CERS4: variants seen among roughly 807,000 people sequenced by gnomAD.
The protein encoded by CERS4 is ceramide synthase 4.
Under a neutral mutation model 51.8 loss-of-function variants are expected in CERS4, and 65 were observed. The ratio of observed to expected loss-of-function variants is 1.26; its 90% confidence interval spans 1.03 to 1.54. CERS4 has a LOEUF of 1.54. Among genes scored for constraint, CERS4 ranks in the 40% most tolerant of loss-of-function variants. The pLI, the probability that CERS4 is intolerant of heterozygous loss-of-function variation, is 0.00. For missense variants in CERS4, 563 were observed against 500.4 expected (o/e 1.13, Z -1.19); for synonymous variants, 228 against 208.4 (o/e 1.09, Z -0.81).
At chr19:8,209,756 G>A (rs1967010677) in intron 1 of CERS4, 1 of 152,326 alleles carries the variant, frequency 6.6e-6, no homozygotes, top group Non-Finnish European at 1.5e-5. Flanking sequence ...GCGAGTAGGG[G>A]CGATCCTGGC....
intron 2 of CERS4, among the ~76,000 whole-genome samples, chr19:8,230,240 T>G (rs923024673): frequency 6.6e-6 from 1 of 151,840 alleles, no homozygotes; most frequent in Non-Finnish European, 1.5e-5. Flanking sequence ...TGGAGCACAG[T>G]GGTGCGATCT....
At chr19:8,252,878 A>G (rs1338704685) in intron 3 of CERS4, among the ~76,000 whole-genome samples, 4 of 152,124 alleles carry the variant, frequency 2.6e-5, no homozygotes, top group Admixed American at 2.6e-4. Context: ...AAAAACCAGA[A>G]TCCTGAGTTC....
In CERS4 at chr19:8,210,150, G is replaced by T. The variant is rs761469829; in HGVS notation, c.-158-556G>T. On this transcript the variant is annotated intron_variant, in intron 1 of 11. Coordinates refer to ENST00000251363, the MANE Select transcript of CERS4 (RefSeq NM_024552.3). The surrounding 1 kb of genome is among the most constrained non-coding windows in gnomAD (Gnocchi z 4.2). ...AAGCGGCGAGGAGAGTGTGGAACCC[G>T]TTCTCGGGGCGGTGGGGACCAGGGA... Among the ~76,000 whole-genome samples the T allele has an allele frequency of 1.3e-5, 2 of 152,156 alleles. No homozygotes were observed. The highest frequency in any genetic ancestry group is 2.4e-5 in the African/African-American group (1 of 41,430).
intron 4 of CERS4, 108 bp downstream of exon 4, chr19:8,254,724 C>A: frequency 1.1e-6 from 1 of 923,106 alleles, no homozygotes; most frequent in Non-Finnish European, 1.7e-6. Context: ...TGGCTGCAGG[C>A]ACCCCTGCAA....
chr19:8,246,220 A>G (rs1182674176), intron 2 of CERS4, among the ~76,000 whole-genome samples: 1 of 152,164 alleles, frequency 6.6e-6, no homozygotes, highest in African/African-American at 2.4e-5. Flanking sequence ...AGACTGGATT[A>G]GTCAGGTACA....
chr19:8,249,120 GA>G (rs983689536), intron 2 of CERS4, among the ~76,000 whole-genome samples: 5 of 151,310 alleles, frequency 3.3e-5, no homozygotes, highest in Non-Finnish European at 7.4e-5. Context: ...ATGATGGGTA[GA>G]TGGATGATGA....
intron 2 of CERS4, among the ~76,000 whole-genome samples, chr19:8,231,754 G>T (rs562916650): frequency 2.0e-5 from 3 of 151,206 alleles, no homozygotes; most frequent in African/African-American, 7.3e-5. Context: ...GGGTTTCATC[G>T]TGTTAGCCAG....
intron 2 of CERS4, among the ~76,000 whole-genome samples, chr19:8,218,017 T>C (rs1421751048): frequency 6.6e-6 from 1 of 151,986 alleles, no homozygotes; most frequent in Non-Finnish European, 1.5e-5. Context: ...CAGGTTGGAG[T>C]GCAGTGGTGC....
chr19:8,219,832 T>A (rs1051990869), intron 2 of CERS4, among the ~76,000 whole-genome samples: 9 of 147,202 alleles, frequency 6.1e-5, no homozygotes, highest in African/African-American at 2.2e-4. Flanking sequence ...AAAAAAAAAA[T>A]TAGCTGGGTA....
At chr19:8,223,626 C>T (rs907455486) in intron 2 of CERS4, among the ~76,000 whole-genome samples, 3 of 151,566 alleles carry the variant, frequency 2.0e-5, no homozygotes, top group Non-Finnish European at 4.4e-5. Context: ...TCTAAAAAAA[C>T]AAAGACAAAA....
At chr19:8,232,679 A>C (rs1319775361) in intron 2 of CERS4, among the ~76,000 whole-genome samples, 1 of 151,792 alleles carries the variant, frequency 6.6e-6, no homozygotes, top group Non-Finnish European at 1.5e-5. Context: ...GAGTATACAA[A>C]TGTTGTTAGT....
At chr19:8,238,644 T>A in intron 2 of CERS4, 1 of 942,990 alleles carries the variant, frequency 1.1e-6, no homozygotes, top group South Asian at 4.9e-5. Context: ...GGGATCCTCA[T>A]GGTCCAGTAT....
rs149495104 is a variant in CERS4, at chr19:8,259,813, G to A, written c.848+1828G>A. Among the ~76,000 whole-genome samples, 1,513 of 152,254 alleles carry A rather than the reference G, an allele frequency of 9.9e-3. 25 individuals carry two copies. Among genetic ancestry groups the A allele is most frequent in the African/African-American group, 0.034 (1,418 of 41,542 alleles). ...AGTCCATGGCTGGTATTTGCAGCCA[G>A]CAGCCTGGATGGCATCACCTAGGGA... On this transcript the variant is annotated intron_variant, in intron 10 of 11. Coordinates refer to ENST00000251363, the MANE Select transcript of CERS4 (RefSeq NM_024552.3).
chr19:8,212,810 T>C (rs1470992418), intron 2 of CERS4, among the ~76,000 whole-genome samples: 2 of 151,182 alleles, frequency 1.3e-5, no homozygotes, highest in African/African-American at 4.9e-5. Flanking sequence ...GGCTAATTTT[T>C]ATATTATTAG....
In CERS4 at chr19:8,256,492, A is replaced by T. The variant is rs1256000345; in HGVS notation, c.520-126A>T. ...CCACTGCCCTTGATTACCTCCAGGG[A>T]TGGGGAGCTCACTCATTGGGATTCA... On this transcript the variant is annotated intron_variant, in intron 7 of 11. Transcript: ENST00000251363. The T allele has an allele frequency of 3.9e-6, 4 of 1,029,670 alleles. No homozygotes were observed. The East Asian group carries it at 7.5e-5, about 19-fold the overall frequency. 63.8% of individuals were successfully genotyped at this position (1,029,670 alleles called of 1,614,324 possible).
chr19:8,210,209 TTG>T lies in CERS4; in HGVS notation c.-158-493_-158-492del, dbSNP rs1568491126. Among the ~76,000 whole-genome samples, 1 of 151,944 alleles carries T rather than the reference TTG, an allele frequency of 6.6e-6. No homozygotes were observed. Among genetic ancestry groups the T allele is most frequent in the Non-Finnish European group, 1.5e-5 (1 of 67,970 alleles). The stretch of plus-strand genomic sequence containing the variant: ...ACAGCAGGTGCATGGCGTGATCGGA[TTG>T]TGTCTTAAGAACATCCCGTAGCCGC... On this transcript the variant is annotated intron_variant, in intron 1 of 11. Transcript: ENST00000251363. This position sits in a 1 kb window ranked among gnomAD's most constrained non-coding sequence, Gnocchi z 4.2.
rs1370472790 is a variant in CERS4 at position 8,259,334 on chromosome 19, CG to C, written c.848+1351del. Among the ~76,000 whole-genome samples the C allele has an allele frequency of 6.6e-5, 10 of 152,100 alleles. No individual in the cohort carries two copies. The East Asian group carries it at 1.9e-3, about 29-fold the overall frequency. On this transcript the variant is annotated intron_variant, in intron 10 of 11. Transcript: ENST00000251363. ...AAAGGGCCTGAGGCAAGACCATGCCCGGCATGTTAGAGGAAGAGCAAGGAGG... is the reference window on the plus strand; with the variant it reads ...AAAGGGCCTGAGGCAAGACCATGCCCGCATGTTAGAGGAAGAGCAAGGAGG...
chr19:8,215,168 G>C (rs896545961), intron 2 of CERS4, among the ~76,000 whole-genome samples: 2 of 151,932 alleles, frequency 1.3e-5, no homozygotes, highest in African/African-American at 4.8e-5. Context: ...CAGGGGCCTA[G>C]AGGACAAACA....
chr19:8,246,514 C>T (rs906892743), intron 2 of CERS4, among the ~76,000 whole-genome samples: 4 of 151,976 alleles, frequency 2.6e-5, no homozygotes, highest in African/African-American at 9.7e-5. Flanking sequence ...GCCATGATCG[C>T]TGCATTCCAG....
Sources: allele counts gnomAD v4.1 joint callset (sites outside exome capture counted in the v4.1 genomes callset), GRCh38; gene constraint gnomAD v4.1.1; non-coding constraint Gnocchi (gnomAD v3.1); transcripts MANE v1.5; gene names NCBI Gene and HGNC (gene_info 2026-07-23, HGNC 2026-07-21).